The following RUNDC3B variants were observed in gnomAD, a reference collection of about 807,000 sequenced individuals.
The protein encoded by RUNDC3B is RUN domain-containing protein 3B.
A neutral mutation model predicts 58.4 loss-of-function variants in RUNDC3B; 33 were observed. That is an observed-to-expected ratio of 0.56 (90% CI 0.43 to 0.75). The LOEUF (loss-of-function observed/expected upper bound fraction) is 0.75. Among genes scored for constraint, RUNDC3B ranks in the 30% least tolerant of loss-of-function variants. RUNDC3B has a pLI of 0.00. For synonymous variants in RUNDC3B, 193 were observed against 195.2 expected (o/e 0.99, Z 0.10); for missense variants, 501 against 535.7 (o/e 0.94, Z 0.64).
chr7:87,655,996 CAG>C (rs1824065228), intron 2 of RUNDC3B, among the ~76,000 whole-genome samples: 2 of 152,090 alleles, frequency 1.3e-5, no homozygotes, highest in South Asian at 4.1e-4. Flanking sequence ...ACCTTGGAAG[CAG>C]AGACAGGACC....
intron 9 of RUNDC3B, among the ~76,000 whole-genome samples, chr7:87,810,520 C>G (rs1233952519): frequency 6.6e-6 from 1 of 152,126 alleles, no homozygotes; most frequent in East Asian, 1.9e-4. Flanking sequence ...AGTAGGGGGA[C>G]AGCCTTAGGC....
chr7:87,646,326 G>C (rs1822999785), intron 1 of RUNDC3B, among the ~76,000 whole-genome samples: 1 of 152,082 alleles, frequency 6.6e-6, no homozygotes, highest in Non-Finnish European at 1.5e-5. Flanking sequence ...AGTTTGTTAA[G>C]TAATCTAGTG....
At chr7:87,713,107 C>T (rs1241060919) in intron 4 of RUNDC3B, 1 of 152,068 alleles carries the variant, frequency 6.6e-6, no homozygotes, top group Non-Finnish European at 1.5e-5. Context: ...CAAATATATT[C>T]ATAAGATTAG....
At chr7:87,701,477 G>A (rs1829029870) in intron 3 of RUNDC3B, among the ~76,000 whole-genome samples, 1 of 152,140 alleles carries the variant, frequency 6.6e-6, no homozygotes, top group African/African-American at 2.4e-5. Context: ...AATGAAATGT[G>A]TCAACATTTG....
intron 6 of RUNDC3B, among the ~76,000 whole-genome samples, chr7:87,755,614 C>T (rs952192126): frequency 1.3e-5 from 2 of 152,096 alleles, no homozygotes; most frequent in Non-Finnish European, 2.9e-5. Context: ...TAAATAAAGA[C>T]AAAAACCAAT....
At chr7:87,764,276 A>G (rs1833855235) in intron 6 of RUNDC3B, among the ~76,000 whole-genome samples, 1 of 151,854 alleles carries the variant, frequency 6.6e-6, no homozygotes, top group African/African-American at 2.4e-5. Flanking sequence ...TTCTGAGTTG[A>G]CAGTTATACT....
Position 87,648,115 on chromosome 7 carries a change from G to GCATA in RUNDC3B, c.123-2706_123-2703dup, listed in dbSNP as rs3028208. On this transcript the variant is annotated intron_variant, in intron 1 of 10. Coordinates refer to ENST00000394654, the MANE Select transcript of RUNDC3B (RefSeq NM_001134405.2). ...CAGGAGAATGGCGTGAACCGGGGTG[G>GCATA]CATAGCTTACAGTGAGCCAAGATCA... Among the ~76,000 whole-genome samples, 458 of 150,344 alleles carry GCATA rather than the reference G, an allele frequency of 3.0e-3. 6 individuals carry two copies. In the East Asian group the frequency reaches 0.049, roughly 16 times the overall value.
chr7:87,701,549 G>T (rs957559688), intron 3 of RUNDC3B, among the ~76,000 whole-genome samples: 4 of 152,154 alleles, frequency 2.6e-5, no homozygotes, highest in South Asian at 2.1e-4. Context: ...AATCATGTAT[G>T]GGTAAAAAGA....
chr7:87,828,178 TA>T (rs1837936287), intron 10 of RUNDC3B, among the ~76,000 whole-genome samples: 5 of 152,196 alleles, frequency 3.3e-5, no homozygotes, highest in African/African-American at 1.2e-4. Flanking sequence ...TTTTCTTTTT[TA>T]AAATTATTAT....
chr7:87,760,815 G>A (rs1209127704), intron 6 of RUNDC3B, among the ~76,000 whole-genome samples: 1 of 151,822 alleles, frequency 6.6e-6, no homozygotes, highest in Non-Finnish European at 1.5e-5. Flanking sequence ...CATATGAAAT[G>A]CAAAAATTAA....
chr7:87,738,567 C>T (rs938750428), intron 4 of RUNDC3B, among the ~76,000 whole-genome samples: 2 of 151,834 alleles, frequency 1.3e-5, no homozygotes, highest in Non-Finnish European at 2.9e-5. Flanking sequence ...TCCTTATGAA[C>T]CATACCATAC....
chr7:87,796,846 A>T (rs1747305214), intron 8 of RUNDC3B, among the ~76,000 whole-genome samples: 1 of 152,236 alleles, frequency 6.6e-6, no homozygotes, highest in South Asian at 2.1e-4. Context: ...TTAAAGCTGT[A>T]TGAAGAAATA....
intron 2 of RUNDC3B, among the ~76,000 whole-genome samples, chr7:87,674,801 G>T (rs1202323434): frequency 6.6e-6 from 1 of 152,158 alleles, no homozygotes; most frequent in Non-Finnish European, 1.5e-5. Context: ...TAGCTGACAG[G>T]AGGGTGCTTA....
intron 4 of RUNDC3B, among the ~76,000 whole-genome samples, chr7:87,720,573 T>C (rs1346135152): frequency 6.6e-6 from 1 of 151,232 alleles, no homozygotes; most frequent in African/African-American, 2.4e-5. Context: ...TGTGTGTGTG[T>C]GTATGCAATA....
chr7:87,805,570 G>A (rs969295637), intron 8 of RUNDC3B, among the ~76,000 whole-genome samples: 11 of 152,156 alleles, frequency 7.2e-5, no homozygotes, highest in South Asian at 6.2e-4. Flanking sequence ...AAAAATCTCC[G>A]TGGACAATAG....
At chr7:87,779,721 C>A (rs935862927) in intron 8 of RUNDC3B, among the ~76,000 whole-genome samples, 3 of 151,986 alleles carry the variant, frequency 2.0e-5, no homozygotes, top group Non-Finnish European at 4.4e-5. Flanking sequence ...TATGATTGAT[C>A]CTGTCACCCA....
In RUNDC3B at chr7:87,829,996, C is replaced by T; in HGVS notation, c.1337C>T (p.Thr446Ile). The change falls in exon 11 of 11, where the codon ACA (threonine) becomes ATA (isoleucine). Residue 446 changes from threonine (T) to isoleucine (I), a missense_variant. Coordinates refer to ENST00000394654, the MANE Select transcript of RUNDC3B (RefSeq NM_001134405.2). ...AATGACTACCTTGCAAGTCCTACAA[C>T]AGAGATGACAAGTCCAGGCCTAACT... ...KSNDYLASPT[T>I]EMTSPGLTPS 1 of 1,608,136 alleles carries T rather than the reference C, an allele frequency of 6.2e-7. No homozygotes were observed. The highest frequency in any genetic ancestry group is 2.2e-5 in the East Asian group (1 of 44,550).
chr7:87,677,129 A>G (rs978197059), intron 2 of RUNDC3B, among the ~76,000 whole-genome samples: 1 of 152,174 alleles, frequency 6.6e-6, no homozygotes, highest in Non-Finnish European at 1.5e-5. Context: ...CTTCTGGGTT[A>G]TTTATTGAAA....
At chr7:87,778,872 AAAAT>A (rs1220565106) in intron 8 of RUNDC3B, among the ~76,000 whole-genome samples, 4 of 152,148 alleles carry the variant, frequency 2.6e-5, no homozygotes, top group African/African-American at 9.7e-5. Context: ...TAATCTTAAA[AAAAT>A]AATTTAAATT....
Sources: allele counts gnomAD v4.1 joint callset (sites outside exome capture counted in the v4.1 genomes callset), GRCh38; gene constraint gnomAD v4.1.1; transcripts MANE v1.5; gene names NCBI Gene and HGNC (gene_info 2026-07-23, HGNC 2026-07-21).